PRR16: variants seen among roughly 807,000 people sequenced by gnomAD.
The protein encoded by PRR16 is protein Largen.
PRR16 carries 6 observed loss-of-function variants against 18.2 expected under a neutral mutation model. The ratio of observed to expected loss-of-function variants is 0.33; its 90% CI spans 0.18 to 0.65. The LOEUF (loss-of-function observed/expected upper bound fraction) is 0.65. Ranked by LOEUF, PRR16 falls within the 30% of genes least tolerant of loss-of-function variation. The probability of loss-of-function intolerance (pLI) is 0.74; values close to 1 mark genes in which losing one functional copy is unlikely to be tolerated. For missense variants in PRR16, 412 were observed against 376.6 expected (o/e 1.09, Z -0.78); for synonymous variants, 151 against 147.8 (o/e 1.02, Z -0.16).
chr5:120,585,447 T>C (rs1453558752), intron 1 of PRR16, among the ~76,000 whole-genome samples: 1 of 151,862 alleles, frequency 6.6e-6, no homozygotes, highest in East Asian at 1.9e-4. Context: ...CCGCTTCTAC[T>C]AAAAATATAA....
intron 1 of PRR16, among the ~76,000 whole-genome samples, chr5:120,559,895 G>T (rs867253806): frequency 1.3e-5 from 2 of 151,604 alleles, no homozygotes; most frequent in Non-Finnish European, 3.0e-5. Context: ...TTAACTTTAT[G>T]TATGGCTATT....
the PRR16 span, among the ~76,000 whole-genome samples, chr5:120,766,481 G>GAAC: frequency 5.7e-4 from 86 of 151,742 alleles, no homozygotes; most frequent in African/African-American, 2.0e-3. Flanking sequence ...GACACACTCA[G>GAAC]TACTAGTCAA....
rs1420939587 is a variant in PRR16 at position 120,464,659 on chromosome 5, G to C, written c.159+14G>C. 6.5e-6 allele frequency: 10 copies of C among 1,543,830 alleles called. No homozygotes were observed. The East Asian group carries it at 1.9e-4, about 29-fold the overall frequency. On this transcript the variant is annotated intron_variant, in intron 1 of 1. Coordinates refer to ENST00000407149, the MANE Select transcript of PRR16 (RefSeq NM_001300783.2). Reference sequence around the variant, plus strand: ...GAACTTAAGGAGGTGAGAGGCGCAGGGGTGGGGAGGGAGTTCGGCACCCTT... The same window carrying C: ...GAACTTAAGGAGGTGAGAGGCGCAGCGGTGGGGAGGGAGTTCGGCACCCTT...
intron 1 of PRR16, among the ~76,000 whole-genome samples, chr5:120,564,441 A>T (rs907433357): frequency 1.3e-5 from 2 of 152,118 alleles, no homozygotes; most frequent in African/African-American, 4.8e-5. Flanking sequence ...GACCTCTGGG[A>T]TGAGCATGTC....
intron 1 of PRR16, among the ~76,000 whole-genome samples, chr5:120,667,148 G>T (rs180814350): frequency 1.3e-5 from 2 of 152,138 alleles, no homozygotes. Flanking sequence ...CCTGTTATTG[G>T]TCTCTTCAGA....
the PRR16 span, among the ~76,000 whole-genome samples, chr5:120,695,941 A>G: frequency 0.1 from 14,950 of 149,638 alleles, 2,352 homozygotes; most frequent in East Asian, 0.75. Context: ...GTGTGTGTAT[A>G]TATATATATA....
intron 1 of PRR16, among the ~76,000 whole-genome samples, chr5:120,574,008 G>A (rs932969005): frequency 6.6e-6 from 1 of 151,604 alleles, no homozygotes; most frequent in Non-Finnish European, 1.5e-5. Flanking sequence ...TAGAAAAAAA[G>A]AATATATTCA....
intron 1 of PRR16, among the ~76,000 whole-genome samples, chr5:120,469,061 A>C (rs753348454): frequency 6.6e-6 from 1 of 152,228 alleles, no homozygotes; most frequent in African/African-American, 2.4e-5. Flanking sequence ...TTTGTCTTAC[A>C]ATGGCATAAA....
At chr5:120,611,720 G>A (rs1323725544) in intron 1 of PRR16, among the ~76,000 whole-genome samples, 1 of 152,196 alleles carries the variant, frequency 6.6e-6, no homozygotes, top group East Asian at 1.9e-4. Context: ...TTTGCTGCAG[G>A]GGTGGGGCCC....
At chr5:120,503,471 T>A (rs1750533698) in intron 1 of PRR16, among the ~76,000 whole-genome samples, 1 of 152,106 alleles carries the variant, frequency 6.6e-6, no homozygotes, top group South Asian at 2.1e-4. Flanking sequence ...CCATGGAAGT[T>A]TTCTTATGTA....
chr5:120,479,807 A>C lies in PRR16; in HGVS notation c.159+15162A>C, dbSNP rs1324507552. Among the ~76,000 whole-genome samples, 4 of 152,196 alleles carry C rather than the reference A, an allele frequency of 2.6e-5. No homozygotes were observed. In the South Asian group the frequency reaches 6.2e-4, roughly 24 times the overall value. Reference sequence around the variant, plus strand: ...AGTATTCAAATTTGTTTGATGCCCCATAGTTTTTAAGTAACTTTGATACCT... The same window carrying C: ...AGTATTCAAATTTGTTTGATGCCCCCTAGTTTTTAAGTAACTTTGATACCT... On this transcript the variant is annotated intron_variant, in intron 1 of 1. Transcript: ENST00000407149.
At chr5:120,637,389 T>C (rs185893454) in intron 1 of PRR16, among the ~76,000 whole-genome samples, 1 of 111,362 alleles carries the variant, frequency 9.0e-6, no homozygotes, top group African/African-American at 3.4e-5. Context: ...GTTTCAAAAA[T>C]ATGGAACCAG....
intron 1 of PRR16, chr5:120,481,248 A>G (rs1303391862): frequency 4.0e-6 from 2 of 504,042 alleles, no homozygotes; most frequent in Non-Finnish European, 7.3e-6. Context: ...CCCAGGTTCA[A>G]GCTATTCTCC....
the PRR16 span, among the ~76,000 whole-genome samples, chr5:120,702,626 G>C: frequency 6.6e-6 from 1 of 152,172 alleles, no homozygotes; most frequent in Non-Finnish European, 1.5e-5. Context: ...CCAAGGGAAG[G>C]CTGCCTTCCC....
rs565604344 is a variant in PRR16, at chr5:120,642,850, A to G, written c.160-43104A>G. On this transcript the variant is annotated intron_variant, in intron 1 of 1. Transcript: ENST00000407149. ...CCACTGCATTCCTACCTTCACCTGT[A>G]TAACATATTGTTTTGTAACTCTGTC... Among the ~76,000 whole-genome samples the G allele has an allele frequency of 8.0e-4, 122 of 152,064 alleles. 1 individual carries two copies. The highest frequency in any genetic ancestry group is 1.5e-3 in the Non-Finnish European group (103 of 67,998).
the PRR16 span, among the ~76,000 whole-genome samples, chr5:120,763,416 G>C: frequency 2.0e-5 from 3 of 152,046 alleles, no homozygotes; most frequent in East Asian, 5.8e-4. Flanking sequence ...TTATAGGTGT[G>C]AGCCACCACG....
chr5:120,616,885 G>A (rs940665451), intron 1 of PRR16, among the ~76,000 whole-genome samples: 3 of 152,024 alleles, frequency 2.0e-5, no homozygotes, highest in African/African-American at 7.2e-5. Context: ...CTCACAATAC[G>A]TGGTCTTTCA....
the PRR16 span, among the ~76,000 whole-genome samples, chr5:120,717,863 T>C: frequency 3.3e-5 from 5 of 152,190 alleles, no homozygotes; most frequent in African/African-American, 1.2e-4. Context: ...GATCTTTTAA[T>C]ATCCGAATCT....
chr5:120,774,713 C>T, the PRR16 span, among the ~76,000 whole-genome samples: 1 of 152,146 alleles, frequency 6.6e-6, no homozygotes. Context: ...TAAAATAATA[C>T]TTTTCTACAA....
Sources: allele counts gnomAD v4.1 joint callset (sites outside exome capture counted in the v4.1 genomes callset), GRCh38; gene constraint gnomAD v4.1.1; transcripts MANE v1.5; gene names NCBI Gene and HGNC (gene_info 2026-07-23, HGNC 2026-07-21).